CPED1: variants seen among roughly 807,000 people sequenced by gnomAD.
The protein encoded by CPED1 is cadherin-like and PC-esterase domain-containing protein 1.
Under a neutral mutation model 128.2 loss-of-function variants are expected in CPED1, and 114 were observed. That is an observed-to-expected ratio of 0.89 (90% CI 0.76 to 1.04). The LOEUF (loss-of-function observed/expected upper bound fraction) is 1.04. CPED1 is among the 50% of genes least tolerant of loss of function. CPED1 has a pLI of 0.00. For synonymous variants in CPED1, 462 were observed against 426.7 expected (o/e 1.08, Z -1.02); for missense variants, 1,211 against 1,207.1 (o/e 1.00, Z -0.05).
chr7:121,117,932 AAAAAAG>A (rs1795291505), intron 7 of CPED1, among the ~76,000 whole-genome samples: 1 of 152,192 alleles, frequency 6.6e-6, no homozygotes, highest in African/African-American at 2.4e-5. Context: ...GCCAAAAAAA[AAAAAAG>A]AGAAAATTTA....
chr7:121,264,872 T>C (rs186475298), intron 18 of CPED1, among the ~76,000 whole-genome samples: 1 of 152,180 alleles, frequency 6.6e-6, no homozygotes, highest in East Asian at 1.9e-4. Flanking sequence ...CATGGTACTA[T>C]AGGGGAAAAC....
chr7:121,144,220 G>C (rs1272541299), intron 16 of CPED1, among the ~76,000 whole-genome samples: 1 of 151,974 alleles, frequency 6.6e-6, no homozygotes, highest in African/African-American at 2.4e-5. Flanking sequence ...TCAGTATATT[G>C]AAAAGCTATC....
chr7:121,055,103 G>A (rs535544988), intron 4 of CPED1, among the ~76,000 whole-genome samples: 1 of 152,178 alleles, frequency 6.6e-6, no homozygotes, highest in East Asian at 1.9e-4. Context: ...TCATTCAAAA[G>A]TTAAAAGACA....
rs147867549 is a variant in CPED1 at position 121,007,230 on chromosome 7, C to CTTTTTT, written c.250-8435_250-8434insTTTTTT. Among the ~76,000 whole-genome samples the CTTTTTT allele has an allele frequency of 3.1e-4, 36 of 115,848 alleles. 2 individuals are homozygous for CTTTTTT. Among genetic ancestry groups the CTTTTTT allele is most frequent in the East Asian group, 7.9e-4 (3 of 3,790 alleles). The allele number at this position is 115,848 out of a possible 152,430, so 76.0% of individuals were successfully genotyped here. A position where few individuals can be genotyped will look rare whatever the true frequency, so the allele number is the denominator to read the frequency against. ...AAGCGTTGCGAAACTGTTCAGGTTGCATTTTTTTTTTTTTTTTTTGTCTTG... is the reference window on the plus strand; with the variant it reads ...AAGCGTTGCGAAACTGTTCAGGTTGCTTTTTTATTTTTTTTTTTTTTTTTTGTCTTG... On this transcript the variant is annotated intron_variant, in intron 2 of 22. Transcript: ENST00000310396.
At chr7:121,054,552 T>C (rs139909008) in intron 4 of CPED1, among the ~76,000 whole-genome samples, 2,139 of 152,296 alleles carry the variant, frequency 0.014, 50 homozygotes, top group African/African-American at 0.049. Context: ...ATATCTTTTC[T>C]CCTCACTCCC....
At chr7:121,183,819 G>T (rs560837095) in intron 16 of CPED1, among the ~76,000 whole-genome samples, 1 of 152,284 alleles carries the variant, frequency 6.6e-6, no homozygotes, top group East Asian at 1.9e-4. Context: ...GACTGTTGAT[G>T]ATTAAAGATT....
At chr7:121,261,616 T>A (rs1284665467) in intron 18 of CPED1, 1 of 1,607,890 alleles carries the variant, frequency 6.2e-7, no homozygotes, top group South Asian at 1.1e-5. Flanking sequence ...GACAGCTTCT[T>A]TTTTCCTTCC....
chr7:121,285,719 C>G (rs1186444879), intron 22 of CPED1, among the ~76,000 whole-genome samples: 1 of 152,186 alleles, frequency 6.6e-6, no homozygotes, highest in Non-Finnish European at 1.5e-5. Context: ...ATGTCACTGT[C>G]AGCATTTTGG....
intron 3 of CPED1, among the ~76,000 whole-genome samples, chr7:121,043,762 T>C (rs1194776704): frequency 6.6e-6 from 1 of 152,142 alleles, no homozygotes; most frequent in African/African-American, 2.4e-5. Flanking sequence ...AGCTTCCAAG[T>C]TTTCAAATAA....
intron 5 of CPED1, among the ~76,000 whole-genome samples, chr7:121,073,787 G>C (rs1360430589): frequency 6.9e-6 from 1 of 144,996 alleles, no homozygotes; most frequent in Non-Finnish European, 1.5e-5. Flanking sequence ...TCCATATCTT[G>C]AAACCCTTCA....
At chr7:121,125,695 T>C in intron 8 of CPED1, 125 bp from the exon 9 acceptor site, 1 of 675,068 alleles carries the variant, frequency 1.5e-6, no homozygotes, top group South Asian at 1.7e-5. Flanking sequence ...CCACATTTTC[T>C]TTATCCAGTC....
chr7:121,277,473 C>T (rs182090153), intron 22 of CPED1, among the ~76,000 whole-genome samples: 10 of 152,184 alleles, frequency 6.6e-5, no homozygotes, highest in East Asian at 1.9e-4. Context: ...TGACATCCTG[C>T]GTGAACTGCA....
At chr7:121,087,640 G>C (rs950785440) in intron 5 of CPED1, among the ~76,000 whole-genome samples, 3 of 145,664 alleles carry the variant, frequency 2.1e-5, no homozygotes, top group Non-Finnish European at 4.5e-5. Context: ...TCAAGCTCAA[G>C]GATTCTTTCT....
At chr7:121,292,578 G>A (rs760485059) in intron 22 of CPED1, among the ~76,000 whole-genome samples, 23 of 152,002 alleles carry the variant, frequency 1.5e-4, no homozygotes, top group Non-Finnish European at 2.5e-4. Flanking sequence ...AGTTGCGATC[G>A]TTTGGAGGAG....
intron 2 of CPED1, among the ~76,000 whole-genome samples, chr7:121,011,639 C>G (rs1479287928): frequency 6.6e-6 from 1 of 152,118 alleles, no homozygotes; most frequent in Non-Finnish European, 1.5e-5. Context: ...CATGTGCTTT[C>G]ATTTAGCTTC....
At chr7:121,236,935 CT>C in intron 17 of CPED1, 104 bp downstream of exon 17, 1 of 526,582 alleles carries the variant, frequency 1.9e-6, no homozygotes. Context: ...AAGGGCATTA[CT>C]TTTTATTGAC....
intron 18 of CPED1, among the ~76,000 whole-genome samples, chr7:121,255,136 T>G (rs1438508367): frequency 6.6e-6 from 1 of 152,016 alleles, no homozygotes; most frequent in African/African-American, 2.4e-5. Flanking sequence ...GTTTGCCTGA[T>G]GAACATAGAT....
intron 7 of CPED1, among the ~76,000 whole-genome samples, chr7:121,122,999 A>G (rs117420555): frequency 6.6e-6 from 1 of 152,194 alleles, no homozygotes; most frequent in Admixed American, 6.5e-5. Flanking sequence ...TTTCTACATA[A>G]TATGGTGAAA....
At chr7:121,181,671 G>C (rs763321542) in intron 16 of CPED1, among the ~76,000 whole-genome samples, 1 of 151,970 alleles carries the variant, frequency 6.6e-6, no homozygotes, top group Non-Finnish European at 1.5e-5. Flanking sequence ...TGCATGAATA[G>C]ATTTCTAACA....
Sources: allele counts gnomAD v4.1 joint callset (sites outside exome capture counted in the v4.1 genomes callset), GRCh38; gene constraint gnomAD v4.1.1; transcripts MANE v1.5; gene names NCBI Gene and HGNC (gene_info 2026-07-23, HGNC 2026-07-21).